SLC25A27: variants seen among roughly 807,000 people sequenced by gnomAD.
The protein encoded by SLC25A27 is mitochondrial uncoupling protein 4.
Under a neutral mutation model 49.1 loss-of-function variants are expected in SLC25A27, and 35 were observed. That is an observed-to-expected ratio of 0.71 (90% CI 0.54 to 0.95). The LOEUF is 0.95. SLC25A27 is among the 40% of genes least tolerant of loss of function. The probability of loss-of-function intolerance (pLI) is 0.00; values close to 1 mark genes in which losing one functional copy is unlikely to be tolerated. For synonymous variants in SLC25A27, 144 were observed against 136.9 expected, an observed-to-expected ratio of 1.05 and a Z score of -0.36; for missense variants, 339 against 397.1, an observed-to-expected ratio of 0.85 and a Z score of 1.24.
At position 46,676,770 on chromosome 6, in the gene SLC25A27, G is replaced by A. The variant is rs1763810029; in HGVS notation, c.*316G>A. 5.7e-6 allele frequency: 7 copies of A among 1,222,530 alleles called. No individual in the cohort carries two copies. The highest frequency in any genetic ancestry group is 8.2e-6 in the Non-Finnish European group (7 of 848,628). 75.7% of individuals were successfully genotyped at this position (1,222,530 alleles called of 1,614,324 possible). A position where few individuals can be genotyped will look rare whatever the true frequency, so the allele number is the denominator to read the frequency against. On this transcript the variant is annotated 3_prime_UTR_variant, in exon 9 of 9. Coordinates refer to ENST00000371347, the MANE Select transcript of SLC25A27 (RefSeq NM_004277.5). Reference sequence around the variant, plus strand: ...TTTGGCCTTTGAGTTGCTATTCTATGCTGAAGAGCCTGCTTAGAGGAGGAG... The same window carrying A: ...TTTGGCCTTTGAGTTGCTATTCTATACTGAAGAGCCTGCTTAGAGGAGGAG...
intron 5 of SLC25A27, among the ~76,000 whole-genome samples, chr6:46,668,425 C>CT (rs1298203570): frequency 2.0e-5 from 3 of 152,284 alleles, no homozygotes; most frequent in Admixed American, 6.5e-5. Flanking sequence ...GATCAAATTA[C>CT]TTTTTTGGCT....
At chr6:46,659,942 A>G (rs1436004952) in intron 3 of SLC25A27, among the ~76,000 whole-genome samples, 1 of 151,736 alleles carries the variant, frequency 6.6e-6, no homozygotes, top group African/African-American at 2.4e-5. Flanking sequence ...GACCACTGCC[A>G]TCTAACTCGT....
intron 4 of SLC25A27, 143 bp from the exon 5 acceptor site, chr6:46,664,631 T>G: frequency 2.2e-6 from 1 of 463,876 alleles, no homozygotes; most frequent in Non-Finnish European, 3.8e-6. Flanking sequence ...TTGCATAGAT[T>G]GCTTCATTTC....
chr6:46,673,760 T>C (rs1177858812), intron 8 of SLC25A27, among the ~76,000 whole-genome samples: 1 of 152,166 alleles, frequency 6.6e-6, no homozygotes, highest in Non-Finnish European at 1.5e-5. Context: ...CCTAGTAGTT[T>C]AGATGAACTC....
At chr6:46,668,819 G>GTTTT in intron 6 of SLC25A27, 26 bp downstream of exon 6, 2 of 1,048,840 alleles carry the variant, frequency 1.9e-6, no homozygotes, top group South Asian at 1.6e-5. Context: ...GTTGGACTCT[G>GTTTT]TTTTTTTTTT....
In SLC25A27 at chr6:46,671,186, C is replaced by G. The variant is rs1037761108; in HGVS notation, c.858C>G (p.Phe286Leu). Residue 286 changes from phenylalanine (F) to leucine (L), a missense_variant, in exon 8 of 9, where the codon TTC becomes TTG. Coordinates refer to ENST00000371347, the MANE Select transcript of SLC25A27 (RefSeq NM_004277.5). ...TTCAGGCTGTTCAAGGTGAAGGATT[C>G]ATGAGTCTATATAAAGGCTTTTTAC... ...CLIQAVQGEG[F>L]MSLYKGFLPS... 6.2e-7 allele frequency: 1 copy of G among 1,603,274 alleles called. No individual in the cohort carries two copies.
intron 6 of SLC25A27, among the ~76,000 whole-genome samples, chr6:46,669,739 C>T (rs1245372786): frequency 6.6e-6 from 1 of 152,204 alleles, no homozygotes; most frequent in Non-Finnish European, 1.5e-5. Context: ...CTGTCACCCC[C>T]GGAGCTTTCC....
intron 5 of SLC25A27, among the ~76,000 whole-genome samples, chr6:46,666,483 C>T (rs555435701): frequency 6.6e-6 from 1 of 152,232 alleles, no homozygotes; most frequent in African/African-American, 2.4e-5. Flanking sequence ...AATATAGCAC[C>T]TAAACATCAA....
rs540698678 is a variant in SLC25A27, at chr6:46,668,705, C to T, written c.620-4C>T. 1.3e-6 allele frequency: 2 copies of T among 1,572,140 alleles called. No individual in the cohort carries two copies. Among genetic ancestry groups the T allele is most frequent in the African/African-American group, 2.7e-5 (2 of 74,060 alleles). The stretch of plus-strand genomic sequence containing the variant: ...ATGAATATTTAAACTTTTTCCATTG[C>T]CAGATTTAACCACTTATGATACAGT... On this transcript the variant is annotated splice_polypyrimidine_tract_variant and splice_region_variant and intron_variant, in intron 5 of 8. Transcript: ENST00000371347.
intron 2 of SLC25A27, among the ~76,000 whole-genome samples, chr6:46,656,738 A>C (rs1248758735): frequency 1.3e-5 from 2 of 152,190 alleles, no homozygotes; most frequent in Non-Finnish European, 2.9e-5. Context: ...ATAGTCTCTT[A>C]AGAAGAAAAA....
At chr6:46,659,748 A>G (rs915862728) in intron 3 of SLC25A27, among the ~76,000 whole-genome samples, 1 of 151,816 alleles carries the variant, frequency 6.6e-6, no homozygotes, top group African/African-American at 2.4e-5. Context: ...CAAGCTACAC[A>G]GGAGGCTGAG....
At chr6:46,665,658 A>G (rs895047480) in intron 5 of SLC25A27, among the ~76,000 whole-genome samples, 19 of 151,942 alleles carry the variant, frequency 1.3e-4, no homozygotes, top group African/African-American at 1.9e-4. Flanking sequence ...TGTACTCTAG[A>G]CTGGGCAACA....
chr6:46,660,541 G>A (rs897486834), intron 3 of SLC25A27, among the ~76,000 whole-genome samples: 2 of 152,120 alleles, frequency 1.3e-5, no homozygotes, highest in Admixed American at 1.3e-4. Context: ...GATATTGACT[G>A]TAGCAGTGTT....
chr6:46,671,644 C>G (rs1049543118), intron 8 of SLC25A27, among the ~76,000 whole-genome samples: 1 of 151,838 alleles, frequency 6.6e-6, no homozygotes, highest in African/African-American at 2.4e-5. Flanking sequence ...TTACATTACC[C>G]ATTAATATTT....
At chr6:46,662,259 C>A in intron 3 of SLC25A27, 117 bp from the exon 4 acceptor site, 1 of 850,792 alleles carries the variant, frequency 1.2e-6, no homozygotes, top group Non-Finnish European at 1.8e-6. Context: ...TGGGTATATC[C>A]TTTTCTTTAC....
At chr6:46,661,577 T>C (rs1007315399) in intron 3 of SLC25A27, among the ~76,000 whole-genome samples, 1 of 152,248 alleles carries the variant, frequency 6.6e-6, no homozygotes, top group African/African-American at 2.4e-5. Context: ...GATATGCTTG[T>C]GTATGCACAA....
At position 46,668,812 on chromosome 6, in the gene SLC25A27, G is replaced by T; in HGVS notation, c.704+19G>T. 6.9e-7 allele frequency: 1 copy of T among 1,441,998 alleles called. No homozygotes were observed. Among genetic ancestry groups the T allele is most frequent in the Non-Finnish European group, 9.6e-7 (1 of 1,038,534 alleles). The allele number at this position is 1,441,998 out of a possible 1,614,324, so 89.3% of individuals were successfully genotyped here. On this transcript the variant is annotated intron_variant, in intron 6 of 8. Coordinates refer to ENST00000371347, the MANE Select transcript of SLC25A27 (RefSeq NM_004277.5). ...TATCAAGGTAAGGATTGTTTTAGTT[G>T]GACTCTGTTTTTTTTTTTTGTATCA...
At chr6:46,670,034 G>T (rs1763466103) in intron 6 of SLC25A27, 101 bp from the exon 7 acceptor site, 1 of 620,046 alleles carries the variant, frequency 1.6e-6, no homozygotes, top group Non-Finnish European at 2.6e-6. Context: ...AAGCTTGTAA[G>T]AATATATTTA....
In SLC25A27 at chr6:46,665,698, A is replaced by G. The variant is rs144158472; in HGVS notation, c.619+812A>G. On this transcript the variant is annotated intron_variant, in intron 5 of 8. Coordinates refer to ENST00000371347, the MANE Select transcript of SLC25A27 (RefSeq NM_004277.5). ...GAGACTCCATCTCAAAAGAAAAAAA[A>G]AGAAGTTTTTCCCCTCCTATACGTA... 2.8e-3 allele frequency among the ~76,000 whole-genome samples: 425 copies of G among 151,988 alleles called. 3 individuals are homozygous for G. The highest frequency in any genetic ancestry group is 9.6e-3 in the African/African-American group (399 of 41,440).
Sources: gnomAD v4.1 joint callset for allele counts (sites outside exome capture counted in the v4.1 genomes callset) on GRCh38, gnomAD v4.1.1 for gene constraint, MANE v1.5 for transcripts, NCBI Gene and HGNC (gene_info 2026-07-23, HGNC 2026-07-21) for gene names.